Variants in SPOCK3 observed in about 807,000 individuals in gnomAD.
SPOCK3 encodes the protein testican-3.
A neutral mutation model predicts 56.6 loss-of-function variants in SPOCK3; 30 were observed. That is an observed-to-expected ratio of 0.53 (90% CI 0.40 to 0.72). The LOEUF is 0.72. SPOCK3 is among the 30% of genes least tolerant of loss of function. SPOCK3 has a pLI of 0.00. For missense variants in SPOCK3, 527 were observed against 530.0 expected (o/e 0.99, Z 0.06); for synonymous variants, 196 against 183.3 (o/e 1.07, Z -0.56).
intron 5 of SPOCK3, among the ~76,000 whole-genome samples, chr4:166,912,145 G>C (rs967597641): frequency 2.0e-5 from 3 of 152,098 alleles, no homozygotes; most frequent in African/African-American, 2.4e-5. Context: ...TCAAATCCTA[G>C]CTTCAATGTC....
rs1455616101 is a variant in SPOCK3 at position 166,915,491 on chromosome 4, A to T, written c.351-2748T>A. Reference sequence around the variant, plus strand: ...AAAACTTAACACTTAATACCTGTGTATGATATATAATATGTAAACATATAT... The same window carrying T: ...AAAACTTAACACTTAATACCTGTGTTTGATATATAATATGTAAACATATAT... On this transcript the variant is annotated intron_variant, in intron 4 of 10. Transcript: ENST00000357545. Among the ~76,000 whole-genome samples, 7 of 152,346 alleles carry T rather than the reference A, an allele frequency of 4.6e-5. No homozygotes were observed. In the Middle Eastern group the frequency reaches 0.017, roughly 370 times the overall value.
chr4:167,055,794 C>A (rs2150230532), intron 3 of SPOCK3, among the ~76,000 whole-genome samples: 1 of 152,292 alleles, frequency 6.6e-6, no homozygotes, highest in Non-Finnish European at 1.5e-5. Context: ...AACAAAGCAG[C>A]CAGGAAGCTT....
At chr4:166,829,341 T>A (rs1032733887) in intron 6 of SPOCK3, among the ~76,000 whole-genome samples, 9 of 152,092 alleles carry the variant, frequency 5.9e-5, no homozygotes, top group African/African-American at 9.7e-5. Context: ...AGAAAATATT[T>A]CTACTCACTA....
intron 8 of SPOCK3, among the ~76,000 whole-genome samples, chr4:166,747,757 C>T (rs1477633142): frequency 1.3e-5 from 2 of 151,888 alleles, no homozygotes; most frequent in Non-Finnish European, 2.9e-5. Context: ...GCCCAAAATC[C>T]CCTTAAGCTG....
chr4:167,029,987 G>A lies in SPOCK3; in HGVS notation c.236-29524C>T, dbSNP rs556276171. Among the ~76,000 whole-genome samples the A allele has an allele frequency of 1.9e-4, 29 of 151,912 alleles. No homozygotes were observed. The East Asian group carries it at 5.4e-3, about 28-fold the overall frequency. On this transcript the variant is annotated intron_variant, in intron 3 of 10. Coordinates refer to ENST00000357545, the MANE Select transcript of SPOCK3 (RefSeq NM_001040159.2). ...TCTGTTTTACTATGTCTGTTCTTCAGAATCACATAGTATCTTAGTATTTTC... is the reference window on the plus strand; with the variant it reads ...TCTGTTTTACTATGTCTGTTCTTCAAAATCACATAGTATCTTAGTATTTTC...
intron 4 of SPOCK3, among the ~76,000 whole-genome samples, chr4:166,925,090 T>C (rs1738931669): frequency 6.6e-6 from 1 of 152,198 alleles, no homozygotes; most frequent in Non-Finnish European, 1.5e-5. Flanking sequence ...TATATTACTA[T>C]GGCATGGCTA....
intron 8 of SPOCK3, among the ~76,000 whole-genome samples, chr4:166,752,670 G>A (rs1736575069): frequency 6.6e-6 from 1 of 150,974 alleles, no homozygotes; most frequent in South Asian, 2.1e-4. Flanking sequence ...TTATAAGCTG[G>A]AATATTTGAA....
At chr4:166,856,819 G>T (rs1353818703) in intron 6 of SPOCK3, among the ~76,000 whole-genome samples, 1 of 142,528 alleles carries the variant, frequency 7.0e-6, no homozygotes, top group African/African-American at 2.5e-5. Flanking sequence ...TAGATATCTA[G>T]ATATCTAGAT....
intron 2 of SPOCK3, among the ~76,000 whole-genome samples, chr4:167,101,713 CTT>C (rs34604496): frequency 0.11 from 14,285 of 125,602 alleles, 501 homozygotes; most frequent in Middle Eastern, 0.16. Flanking sequence ...AATTCTTACT[CTT>C]TTTTTTTTTT....
intron 2 of SPOCK3, among the ~76,000 whole-genome samples, chr4:167,135,267 C>A (rs996691916): frequency 1.3e-5 from 2 of 151,898 alleles, no homozygotes. Flanking sequence ...CTGTTTTAAG[C>A]CTTTATATCT....
intron 5 of SPOCK3, among the ~76,000 whole-genome samples, chr4:166,900,548 T>C (rs1032508768): frequency 6.6e-6 from 1 of 152,162 alleles, no homozygotes; most frequent in Non-Finnish European, 1.5e-5. Flanking sequence ...AGAATTTCTC[T>C]TTACTTTCCC....
intron 6 of SPOCK3, among the ~76,000 whole-genome samples, chr4:166,838,632 A>G (rs1208169005): frequency 1.3e-5 from 2 of 149,272 alleles, no homozygotes; most frequent in East Asian, 4.0e-4. Context: ...TTGGTTACTG[A>G]AATATCTTTA....
chr4:166,933,205 A>G (rs184572843), intron 4 of SPOCK3, among the ~76,000 whole-genome samples: 1 of 152,354 alleles, frequency 6.6e-6, no homozygotes, highest in East Asian at 1.9e-4. Flanking sequence ...GCTTTTTCAA[A>G]TGATAATCTA....
chr4:167,080,235 A>G (rs914125944), intron 2 of SPOCK3, among the ~76,000 whole-genome samples: 13 of 152,130 alleles, frequency 8.5e-5, no homozygotes, highest in African/African-American at 3.1e-4. Flanking sequence ...TGCCATCAGT[A>G]TTGTCTGACT....
In SPOCK3 at chr4:167,122,075, TTTTCC is replaced by T. The variant is rs544301654; in HGVS notation, c.190-59543_190-59539del. On this transcript the variant is annotated intron_variant, in intron 2 of 10. Coordinates refer to ENST00000357545, the MANE Select transcript of SPOCK3 (RefSeq NM_001040159.2). ...CCTCCATCCCTCCCTCCCTCTTTTC[TTTTCC>T]TTTCTTTTCTTTTTTCTTTTCTCTT... 7.9e-3 allele frequency among the ~76,000 whole-genome samples: 1,181 copies of T among 149,380 alleles called. 7 individuals are homozygous for T. The highest frequency in any genetic ancestry group is 0.012 in the Non-Finnish European group (781 of 67,206).
chr4:166,801,428 A>C (rs991395491), intron 6 of SPOCK3, among the ~76,000 whole-genome samples: 1 of 152,206 alleles, frequency 6.6e-6, no homozygotes, highest in East Asian at 1.9e-4. Flanking sequence ...CATTATATGA[A>C]TATATCATAA....
chr4:167,229,812 T>C (rs762893905), intron 2 of SPOCK3, among the ~76,000 whole-genome samples: 3 of 152,116 alleles, frequency 2.0e-5, no homozygotes, highest in Non-Finnish European at 4.4e-5. Context: ...AGAACTTTAT[T>C]ATTACGTTAA....
chr4:166,800,555 T>C (rs1742474522), intron 6 of SPOCK3, among the ~76,000 whole-genome samples: 1 of 152,088 alleles, frequency 6.6e-6, no homozygotes. Context: ...CCTAGGCGAA[T>C]GTGTGTGTTT....
At position 167,112,504 on chromosome 4, in the gene SPOCK3, T is replaced by G. The variant is rs573220339; in HGVS notation, c.190-49967A>C. Among the ~76,000 whole-genome samples, 170 of 152,232 alleles carry G rather than the reference T, an allele frequency of 1.1e-3. 1 individual carries two copies. The highest frequency in any genetic ancestry group is 4.0e-3 in the African/African-American group (167 of 41,552). On this transcript the variant is annotated intron_variant, in intron 2 of 10. Transcript: ENST00000357545. ...TCTTTTCCTAAGTAAGATCCAGGAC[T>G]CTTGCAGGAAAACATAGGGATTGAG...
Sources: gnomAD v4.1 joint callset for allele counts (sites outside exome capture counted in the v4.1 genomes callset) on GRCh38, gnomAD v4.1.1 for gene constraint, MANE v1.5 for transcripts, NCBI Gene and HGNC (gene_info 2026-07-23, HGNC 2026-07-21) for gene names.